The following SF3B2 variants were observed in gnomAD, a reference collection of about 807,000 sequenced individuals.
The protein encoded by SF3B2 is SAP 145.
In SF3B2, 22 loss-of-function variants were observed where a neutral mutation model predicts 116.3. The observed-to-expected ratio is 0.19, with a 90% confidence interval of 0.14 to 0.27. The LOEUF (loss-of-function observed/expected upper bound fraction) is 0.27. Among genes scored for constraint, SF3B2 ranks in the 10% least tolerant of loss-of-function variants. The pLI is 1.00. For missense variants in SF3B2, 767 were observed against 1,151.4 expected (o/e 0.67, Z 4.83); for synonymous variants, 406 against 421.6 (o/e 0.96, Z 0.45).
At chr11:66,058,651 G>C in intron 9 of SF3B2, 179 bp from the exon 10 acceptor site, 1 of 646,182 alleles carries the variant, frequency 1.5e-6, no homozygotes, top group Non-Finnish European at 2.7e-6. Flanking sequence ...TACAGCTTGT[G>C]AGTGGCAGAA....
intron 19 of SF3B2, 24 bp downstream of exon 19, chr11:66,063,753 G>A: frequency 6.4e-7 from 1 of 1,559,758 alleles, no homozygotes. Flanking sequence ...ACAGGGCTGA[G>A]AGGGGAGGAC....
At chr11:66,055,875 G>A in intron 5 of SF3B2, 1 of 401,188 alleles carries the variant, frequency 2.5e-6, no homozygotes, top group Non-Finnish European at 4.4e-6. Context: ...AACCCATAAA[G>A]CCTAAAATAT....
In SF3B2 at chr11:66,063,066, G is replaced by A. The variant is rs1404649945; in HGVS notation, c.2035G>A (p.Gly679Arg). The A allele has an allele frequency of 1.9e-6, 3 of 1,614,094 alleles. No homozygotes were observed. Among genetic ancestry groups the A allele is most frequent in the Admixed American group, 3.3e-5 (2 of 60,020 alleles). ...GGGCAAACCTCCAGTGGATGAGACT[G>A]GGAAACCGCTCTATGGGGACGTGTT... ...GWGKPPVDET[G>R]KPLYGDVFGT... is the part of the protein sequence containing the mutation. The change falls in exon 17 of 22, where the codon GGG becomes AGG. Residue 679 changes from glycine to arginine, a missense_variant. Physicochemically the swap from Gly to Arg is moderately radical, Grantham distance 125. Coordinates refer to ENST00000322535, the MANE Select transcript of SF3B2 (RefSeq NM_006842.3).
Position 66,068,447 on chromosome 11 carries a change from CTG to C in SF3B2, c.2616+117_2616+118del, listed in dbSNP as rs1857227558. 3.6e-6 allele frequency: 4 copies of C among 1,120,010 alleles called. No homozygotes were observed. The South Asian group carries it at 6.4e-5, about 18-fold the overall frequency. 69.4% of individuals were successfully genotyped at this position (1,120,010 alleles called of 1,614,324 possible). On this transcript the variant is annotated intron_variant, in intron 21 of 21. Coordinates refer to ENST00000322535, the MANE Select transcript of SF3B2 (RefSeq NM_006842.3). The stretch of plus-strand genomic sequence containing the variant: ...GTGAGGGTGGCCTCTGCTTGCTGCT[CTG>C]TGCTTCCTTAGATTTGGAAGTCTTA...
intron 6 of SF3B2, 32 bp downstream of exon 6, chr11:66,056,987 G>A: frequency 8.0e-6 from 12 of 1,502,548 alleles, no homozygotes; most frequent in Non-Finnish European, 1.1e-5. Context: ...GAAGGGCAAG[G>A]AAGGTGATTT....
Position 66,055,258 on chromosome 11 carries a change from G to C in SF3B2, c.441G>C (p.Leu147=), listed in dbSNP as rs368653791. Reference sequence around the variant, plus strand: ...TGGCACTGTCAGAGGAGGAGCGGCTGAAGTTGGCTCAGCAGCAGGCGGCAT... The same window carrying C: ...TGGCACTGTCAGAGGAGGAGCGGCTCAAGTTGGCTCAGCAGCAGGCGGCAT... ...EPVALSEEER[L]KLAQQQAALL... is the part of the protein sequence containing the mutation. Residue 147 remains leucine (L), a synonymous_variant, in exon 4 of 22, where the codon CTG becomes CTC. Coordinates refer to ENST00000322535, the MANE Select transcript of SF3B2 (RefSeq NM_006842.3). 307 of 1,613,984 alleles carry C rather than the reference G, an allele frequency of 1.9e-4. No homozygotes were observed. Among genetic ancestry groups the C allele is most frequent in the Non-Finnish European group, 2.5e-4 (294 of 1,179,974 alleles).
chr11:66,060,511 G>A (rs764434383), intron 13 of SF3B2, 71 bp from the exon 14 acceptor site: 324 of 1,567,894 alleles, frequency 2.1e-4, no homozygotes, highest in Non-Finnish European at 2.6e-4. Flanking sequence ...CTCATTTGGA[G>A]TTGGGAGCTG....
chr11:66,057,035 T>C (rs1857010645), intron 6 of SF3B2, 80 bp downstream of exon 6: 2 of 1,061,992 alleles, frequency 1.9e-6, no homozygotes, highest in African/African-American at 3.1e-5. Context: ...ATCTATCACA[T>C]TTAAAAAGGG....
rs774877333 is a variant in SF3B2, at chr11:66,059,508, G to C, written c.1321-7G>C. ...CCTGCTTAAAAGGGCTGATTGTTCT[G>C]TTCTAGGAAAAGAAGCCAGAAGCCC... On this transcript the variant is annotated splice_polypyrimidine_tract_variant and splice_region_variant and intron_variant, in intron 11 of 21. Coordinates refer to ENST00000322535, the MANE Select transcript of SF3B2 (RefSeq NM_006842.3). This position sits in a 1 kb window ranked among gnomAD's most constrained non-coding sequence, Gnocchi z 5.0. 3 of 1,614,006 alleles carry C rather than the reference G, an allele frequency of 1.9e-6. No homozygotes were observed. Among genetic ancestry groups the C allele is most frequent in the Admixed American group, 1.7e-5 (1 of 60,004 alleles).
Position 66,069,201 on chromosome 11 carries a change from G to T in SF3B2, c.*456G>T. 1 of 360,190 alleles carries T rather than the reference G, an allele frequency of 2.8e-6. No homozygotes were observed. 22.3% of individuals were successfully genotyped at this position (360,190 alleles called of 1,614,324 possible). A position where few individuals can be genotyped will look rare whatever the true frequency, so the allele number is the denominator to read the frequency against. On this transcript the variant is annotated 3_prime_UTR_variant, in exon 22 of 22. Transcript: ENST00000322535. ...TAGCGCGGCAGAGGAAGTAACAGTG[G>T]GCTTGGGAAGTAGGCCAGGGCAGGC... is the stretch of plus-strand genomic sequence containing the variant.
intron 7 of SF3B2, 59 bp from the exon 8 acceptor site, chr11:66,057,992 AAAG>A (rs1194614715): frequency 7.6e-5 from 94 of 1,238,502 alleles, no homozygotes; most frequent in African/African-American, 3.6e-4. Context: ...AAAAAGAAAG[AAAG>A]AAAAAAAAAA....
chr11:66,057,733 T>G (rs1290810908), intron 7 of SF3B2, among the ~76,000 whole-genome samples: 1 of 151,556 alleles, frequency 6.6e-6, no homozygotes, highest in Admixed American at 6.6e-5. Context: ...CCCAGCACTT[T>G]GGGAGGCCGA....
chr11:66,058,683 C>A, intron 9 of SF3B2, 147 bp from the exon 10 acceptor site: 1 of 701,654 alleles, frequency 1.4e-6, no homozygotes, highest in Non-Finnish European at 2.4e-6. Flanking sequence ...GACTCCAAGG[C>A]CCCTTCGCAG....
Position 66,059,646 on chromosome 11 carries a change from C to T in SF3B2, c.1401+51C>T. ...CCCTGGAGCCCAGCTGGGAGACCAC[C>T]TGGGGAGCCAGGGAGGTGAAAAGGA... On this transcript the variant is annotated intron_variant, in intron 12 of 21. Transcript: ENST00000322535. This position sits in a 1 kb window ranked among gnomAD's most constrained non-coding sequence, Gnocchi z 5.0. The T allele has an allele frequency of 6.3e-7, 1 of 1,599,520 alleles. No individual in the cohort carries two copies. The highest frequency in any genetic ancestry group is 8.6e-7 in the Non-Finnish European group (1 of 1,166,924).
At chr11:66,056,698 G>C (rs1262132958) in intron 5 of SF3B2, 140 bp from the exon 6 acceptor site, 1 of 640,760 alleles carries the variant, frequency 1.6e-6, no homozygotes, top group South Asian at 1.7e-5. Flanking sequence ...TGGAAGTGTG[G>C]GGGTGGAGGG....
rs779682369 is a variant in SF3B2 at position 66,055,159 on chromosome 11, C to T, written c.342C>T (p.Gly114=). Residue 114 remains glycine (G), a synonymous_variant, in exon 4 of 22, where the codon GGC becomes GGT. Coordinates refer to ENST00000322535, the MANE Select transcript of SF3B2 (RefSeq NM_006842.3). The part of the protein sequence containing the change: ...PPPPPPPPPP[G]LGLGFPMAHP... ...CGCCACCCCCACCACCTCCACCAGG[C>T]CTTGGCCTTGGCTTTCCTATGGCCC... 1.2e-6 allele frequency: 2 copies of T among 1,605,536 alleles called. No homozygotes were observed. Among genetic ancestry groups the T allele is most frequent in the Admixed American group, 3.4e-5 (2 of 59,666 alleles).
At chr11:66,062,020 A>G (rs1243282054) in intron 16 of SF3B2, 22 bp downstream of exon 16, 4 of 1,560,004 alleles carry the variant, frequency 2.6e-6, no homozygotes, top group Admixed American at 1.8e-5. Context: ...CCTTTCGTTC[A>G]TTCTTGGCCA....
chr11:66,068,625 CG>C, intron 21 of SF3B2, 48 bp from the exon 22 acceptor site: 2 of 1,549,698 alleles, frequency 1.3e-6, no homozygotes, highest in Non-Finnish European at 1.8e-6. Context: ...TTTGGGGGTC[CG>C]GGGGTGGTTC....
Position 66,059,464 on chromosome 11 carries a change from G to C in SF3B2, c.1321-51G>C. ...GCTTAAGGTTGGGGTGGGTTGGGCAGTTTCATTCACATCTGAGTCCTGCTT... is the reference window on the plus strand; with the variant it reads ...GCTTAAGGTTGGGGTGGGTTGGGCACTTTCATTCACATCTGAGTCCTGCTT... On this transcript the variant is annotated intron_variant, in intron 11 of 21. Transcript: ENST00000322535. The surrounding 1 kb of genome is among the most constrained non-coding windows in gnomAD (Gnocchi z 5.0). 1 of 1,611,388 alleles carries C rather than the reference G, an allele frequency of 6.2e-7. No homozygotes were observed.
Sources: gnomAD v4.1 joint callset for allele counts (sites outside exome capture counted in the v4.1 genomes callset) on GRCh38, gnomAD v4.1.1 for gene constraint, Gnocchi (gnomAD v3.1) non-coding constraint, MANE v1.5 for transcripts, NCBI Gene and HGNC (gene_info 2026-07-23, HGNC 2026-07-21) for gene names.